SGMS1: variants seen among roughly 807,000 people sequenced by gnomAD.
The protein encoded by SGMS1 is phosphatidylcholine:ceramide cholinephosphotransferase 1.
In SGMS1, 13 loss-of-function variants were observed where a neutral mutation model predicts 46.2. The observed-to-expected ratio is 0.28, with a 90% CI of 0.18 to 0.45. The LOEUF (loss-of-function observed/expected upper bound fraction) is 0.45. SGMS1 is among the 20% of genes least tolerant of loss of function. The pLI is 1.00. For synonymous variants in SGMS1, 203 were observed against 187.8 expected (o/e 1.08, Z -0.66); for missense variants, 324 against 519.9 (o/e 0.62, Z 3.66).
At chr10:50,592,658 G>A (rs10763584) in intron 1 of SGMS1, among the ~76,000 whole-genome samples, 56,836 of 151,850 alleles carry the variant, frequency 0.37, 11,386 homozygotes, top group East Asian at 0.74. Context: ...GGCCTTTCCC[G>A]CCCACTCCCC....
chr10:50,332,256 G>A (rs1847636206), intron 7 of SGMS1, among the ~76,000 whole-genome samples: 1 of 152,080 alleles, frequency 6.6e-6, no homozygotes, highest in Non-Finnish European at 1.5e-5. Flanking sequence ...AGTCCCTCCT[G>A]CCTTGAGTAG....
At chr10:50,617,985 T>A (rs1018694708) in intron 1 of SGMS1, among the ~76,000 whole-genome samples, 3 of 151,846 alleles carry the variant, frequency 2.0e-5, no homozygotes, top group African/African-American at 4.8e-5. Context: ...CCCAAAGTGC[T>A]GGCATTACAG....
At position 50,366,070 on chromosome 10, in the gene SGMS1, T is replaced by C. The variant is rs543387912; in HGVS notation, c.-231-21725A>G. ...AAAGCAACTGCAATAAAAGCCAAAA[T>C]TGATGAATGGGATCTGATTAAACTA... is the stretch of plus-strand genomic sequence containing the variant. On this transcript the variant is annotated intron_variant, in intron 6 of 10. Coordinates refer to ENST00000361781, the MANE Select transcript of SGMS1 (RefSeq NM_147156.4). Among the ~76,000 whole-genome samples the C allele has an allele frequency of 1.2e-3, 184 of 152,158 alleles. 1 individual carries two copies. The highest frequency in any genetic ancestry group is 4.2e-3 in the African/African-American group (176 of 41,500).
At chr10:50,559,329 C>T (rs948806198) in intron 2 of SGMS1, among the ~76,000 whole-genome samples, 2 of 152,150 alleles carry the variant, frequency 1.3e-5, no homozygotes, top group African/African-American at 4.8e-5. Context: ...CTGCCAGAGG[C>T]GTACCCTACA....
At chr10:50,587,342 T>C (rs1194789065) in intron 2 of SGMS1, among the ~76,000 whole-genome samples, 2 of 152,110 alleles carry the variant, frequency 1.3e-5, no homozygotes, top group Non-Finnish European at 2.9e-5. Context: ...ATGCATAAAA[T>C]ATATGTCATT....
At chr10:50,332,737 C>T (rs1847648294) in intron 7 of SGMS1, among the ~76,000 whole-genome samples, 4 of 151,012 alleles carry the variant, frequency 2.6e-5, no homozygotes, top group South Asian at 2.1e-4. Flanking sequence ...ATCCTCCTGC[C>T]TCAGCCTCCT....
intron 4 of SGMS1, among the ~76,000 whole-genome samples, chr10:50,465,818 T>C (rs1463665318): frequency 6.6e-6 from 1 of 150,806 alleles, no homozygotes; most frequent in African/African-American, 2.4e-5. Context: ...ATTCTGGGCA[T>C]AAAGAAAAGC....
intron 1 of SGMS1, among the ~76,000 whole-genome samples, chr10:50,622,038 C>T (rs1279014183): frequency 6.6e-6 from 1 of 152,262 alleles, no homozygotes; most frequent in Non-Finnish European, 1.5e-5. Context: ...CAGAAGGCAG[C>T]ACCTGGAGGT....
At chr10:50,501,546 CA>C (rs540872681) in intron 3 of SGMS1, among the ~76,000 whole-genome samples, 2 of 151,464 alleles carry the variant, frequency 1.3e-5, no homozygotes, top group Non-Finnish European at 1.5e-5. Flanking sequence ...ACACGCAGAC[CA>C]AAAAAAATTA....
chr10:50,608,747 G>C (rs574646384), intron 1 of SGMS1, among the ~76,000 whole-genome samples: 1 of 152,194 alleles, frequency 6.6e-6, no homozygotes, highest in East Asian at 1.9e-4. Flanking sequence ...GCCTGTGAAG[G>C]AGACATTCTT....
chr10:50,483,061 A>C (rs2133723400), intron 3 of SGMS1, among the ~76,000 whole-genome samples: 1 of 152,284 alleles, frequency 6.6e-6, no homozygotes, highest in Non-Finnish European at 1.5e-5. Flanking sequence ...TCATAAAAAA[A>C]CAAGTTTTGA....
At chr10:50,479,026 A>G (rs1345247208) in intron 3 of SGMS1, among the ~76,000 whole-genome samples, 3 of 122,616 alleles carry the variant, frequency 2.4e-5, no homozygotes, top group African/African-American at 7.7e-5. Flanking sequence ...TGCCAGTCAC[A>G]TTCCATTAAA....
intron 2 of SGMS1, among the ~76,000 whole-genome samples, chr10:50,546,921 C>T (rs1838106617): frequency 6.6e-6 from 1 of 152,106 alleles, no homozygotes; most frequent in African/African-American, 2.4e-5. Context: ...CTTTTCCTCC[C>T]TTATACCTAA....
intron 6 of SGMS1, among the ~76,000 whole-genome samples, chr10:50,344,835 T>C (rs2133364060): frequency 6.6e-6 from 1 of 151,978 alleles, no homozygotes; most frequent in African/African-American, 2.4e-5. Flanking sequence ...TCAGCCACTG[T>C]ACTCCAGCCT....
At chr10:50,463,411 A>T (rs969439260) in intron 4 of SGMS1, among the ~76,000 whole-genome samples, 2 of 152,252 alleles carry the variant, frequency 1.3e-5, no homozygotes, top group African/African-American at 4.8e-5. Flanking sequence ...TAAGTACATG[A>T]AAAGATGCTT....
intron 2 of SGMS1, among the ~76,000 whole-genome samples, chr10:50,579,684 TAAC>T (rs1353492058): frequency 6.6e-6 from 1 of 152,160 alleles, no homozygotes; most frequent in Non-Finnish European, 1.5e-5. Flanking sequence ...CTCAGATATA[TAAC>T]AACACAAAAG....
At chr10:50,448,182 A>T (rs1476247360) in intron 5 of SGMS1, among the ~76,000 whole-genome samples, 2 of 152,104 alleles carry the variant, frequency 1.3e-5, no homozygotes, top group Non-Finnish European at 1.5e-5. Context: ...CAAGAGGTGG[A>T]TGGAGGCTGT....
intron 6 of SGMS1, among the ~76,000 whole-genome samples, chr10:50,356,328 T>A (rs1226446807): frequency 1.3e-5 from 2 of 152,210 alleles, no homozygotes; most frequent in Non-Finnish European, 2.9e-5. Context: ...CGGTGCAAGA[T>A]GTGCTTTGTT....
chr10:50,319,480 G>A (rs1847405130), intron 8 of SGMS1, among the ~76,000 whole-genome samples: 1 of 152,168 alleles, frequency 6.6e-6, no homozygotes, highest in African/African-American at 2.4e-5. Flanking sequence ...TGTCAACAAT[G>A]TCCTTTAGAG....
Sources: gnomAD v4.1 joint callset for allele counts (sites outside exome capture counted in the v4.1 genomes callset) on GRCh38, gnomAD v4.1.1 for gene constraint, MANE v1.5 for transcripts, NCBI Gene and HGNC (gene_info 2026-07-23, HGNC 2026-07-21) for gene names.